SV2C: variants seen among roughly 807,000 people sequenced by gnomAD.
The protein encoded by SV2C is solute carrier family 22 member B3.
Under a neutral mutation model 79.7 loss-of-function variants are expected in SV2C, and 49 were observed. The observed-to-expected ratio is 0.61, with a 90% CI of 0.49 to 0.78. The LOEUF (loss-of-function observed/expected upper bound fraction) is 0.78. Ranked by LOEUF, SV2C falls within the 30% of genes least tolerant of loss-of-function variation. The probability of loss-of-function intolerance (pLI) is 0.00; values close to 1 mark genes in which losing one functional copy is unlikely to be tolerated. For missense variants in SV2C, 833 were observed against 912.9 expected (o/e 0.91, Z 1.13); for synonymous variants, 334 against 333.2 (o/e 1.00, Z -0.03).
At chr5:76,320,292 A>G (rs1036852546) in intron 12 of SV2C, among the ~76,000 whole-genome samples, 5 of 151,884 alleles carry the variant, frequency 3.3e-5, no homozygotes, top group African/African-American at 1.2e-4. Context: ...GGTTGTGGGG[A>G]GAGAGGAATG....
At chr5:75,961,106 A>C in the SV2C span, among the ~76,000 whole-genome samples, 2 of 152,030 alleles carry the variant, frequency 1.3e-5, no homozygotes, top group African/African-American at 4.8e-5. Context: ...TTTCAATAAA[A>C]TATGCTCTTT....
intron 10 of SV2C, 22 bp downstream of exon 10, chr5:76,298,949 G>C: frequency 6.2e-7 from 1 of 1,610,138 alleles, no homozygotes; most frequent in Non-Finnish European, 8.5e-7. Context: ...ACTTAGTACT[G>C]CCTCTACCTG....
the SV2C span, among the ~76,000 whole-genome samples, chr5:75,987,251 C>T: frequency 1.3e-5 from 2 of 151,988 alleles, no homozygotes; most frequent in African/African-American, 4.8e-5. Context: ...AAATCTGACA[C>T]TTAACAGTTT....
chr5:76,025,323 A>C, the SV2C span, among the ~76,000 whole-genome samples: 1 of 152,158 alleles, frequency 6.6e-6, no homozygotes, highest in African/African-American at 2.4e-5. Context: ...GAATTCTGCC[A>C]GCAAACATTG....
At chr5:75,851,812 G>A in the SV2C span, among the ~76,000 whole-genome samples, 309 of 152,328 alleles carry the variant, frequency 2.0e-3, no homozygotes, top group Admixed American at 3.9e-3. Context: ...GCCACGCCAG[G>A]CTAATTTATT....
the SV2C span, among the ~76,000 whole-genome samples, chr5:76,011,355 T>C: frequency 6.6e-6 from 1 of 152,116 alleles, no homozygotes; most frequent in African/African-American, 2.4e-5. Flanking sequence ...TAGCTAGTTC[T>C]CCCATTCTGG....
At position 76,300,890 on chromosome 5, in the gene SV2C, T is replaced by C; in HGVS notation, c.1798T>C (p.Ser600Pro). 1 of 1,614,154 alleles carries C rather than the reference T, an allele frequency of 6.2e-7. No individual in the cohort carries two copies. Among genetic ancestry groups the C allele is most frequent in the Non-Finnish European group, 8.5e-7 (1 of 1,179,992 alleles). Reference protein sequence around the residue: ...TLAVLPGNIVSALLMDRIGRL... With the variant: ...TLAVLPGNIVPALLMDRIGRL... ...GGCAGTATTGCCAGGGAACATTGTGTCTGCTCTGCTGATGGACAGAATTGG... is the reference window on the plus strand; with the variant it reads ...GGCAGTATTGCCAGGGAACATTGTGCCTGCTCTGCTGATGGACAGAATTGG... The change falls in exon 11 of 13, where the codon TCT (serine) becomes CCT (proline). Residue 600 changes from serine to proline, a missense_variant. Physicochemically the swap from Ser to Pro is moderately conservative, Grantham distance 74. Coordinates refer to ENST00000502798, the MANE Select transcript of SV2C (RefSeq NM_014979.4).
intron 1 of SV2C, among the ~76,000 whole-genome samples, chr5:76,108,478 T>C (rs1747994955): frequency 6.6e-6 from 1 of 152,324 alleles, no homozygotes; most frequent in Admixed American, 6.5e-5. Flanking sequence ...GCACAACTTT[T>C]GCAGAAGCTG....
the SV2C span, among the ~76,000 whole-genome samples, chr5:75,878,149 G>A: frequency 6.6e-6 from 1 of 152,050 alleles, no homozygotes; most frequent in Non-Finnish European, 1.5e-5. Flanking sequence ...GTGAGAAAAT[G>A]CTCACAATCT....
At chr5:76,052,119 T>A in the SV2C span, among the ~76,000 whole-genome samples, 3,897 of 152,302 alleles carry the variant, frequency 0.026, 181 homozygotes, top group African/African-American at 0.09. Context: ...GGGAGCTATA[T>A]TAAAAACTGA....
chr5:76,343,067 T>C (rs1463617553), intron 12 of SV2C, among the ~76,000 whole-genome samples: 1 of 152,126 alleles, frequency 6.6e-6, no homozygotes, highest in Non-Finnish European at 1.5e-5. Context: ...AAGTTCCTAA[T>C]TGTAATGTAG....
At chr5:76,222,339 A>G (rs527375109) in intron 4 of SV2C, among the ~76,000 whole-genome samples, 2 of 152,230 alleles carry the variant, frequency 1.3e-5, no homozygotes, top group Non-Finnish European at 2.9e-5. Flanking sequence ...ATGGACCTCA[A>G]CAGCATTTTG....
At chr5:76,066,736 A>G in the SV2C span, among the ~76,000 whole-genome samples, 10,316 of 151,440 alleles carry the variant, frequency 0.068, 1,186 homozygotes, top group African/African-American at 0.24. Flanking sequence ...ACCATGCACA[A>G]CTGTCTTTGT....
rs928526786 is a variant in SV2C, at chr5:76,123,063, G to T, written c.-101-8587G>T. 3.3e-3 allele frequency among the ~76,000 whole-genome samples: 497 copies of T among 152,266 alleles called. 4 individuals carry two copies. Among genetic ancestry groups the T allele is most frequent in the African/African-American group, 0.011 (470 of 41,552 alleles). On this transcript the variant is annotated intron_variant, in intron 1 of 12. Coordinates refer to ENST00000502798, the MANE Select transcript of SV2C (RefSeq NM_014979.4). Reference sequence around the variant, plus strand: ...ATGGGATATCACCACCGATCCCACAGAAATACAAACTACCATCAGAGAATA... The same window carrying T: ...ATGGGATATCACCACCGATCCCACATAAATACAAACTACCATCAGAGAATA...
At chr5:76,179,320 T>C (rs1291320832) in intron 2 of SV2C, among the ~76,000 whole-genome samples, 1 of 152,190 alleles carries the variant, frequency 6.6e-6, no homozygotes, top group South Asian at 2.1e-4. Flanking sequence ...TAGGATACAA[T>C]GGTTTTTAAC....
At chr5:75,999,638 C>T in the SV2C span, among the ~76,000 whole-genome samples, 1 of 123,810 alleles carries the variant, frequency 8.1e-6, no homozygotes, top group Non-Finnish European at 1.7e-5. Flanking sequence ...GGGGTGAATT[C>T]CTCTCTTCTC....
upstream of SV2C, among the ~76,000 whole-genome samples, chr5:76,080,702 C>G (rs537547458): frequency 1.3e-5 from 2 of 152,298 alleles, no homozygotes; most frequent in Non-Finnish European, 2.9e-5. Context: ...CAAGACGACA[C>G]CCTGCATTGA....
chr5:76,204,145 T>C (rs763591032), intron 3 of SV2C, among the ~76,000 whole-genome samples: 15 of 152,236 alleles, frequency 9.9e-5, no homozygotes, highest in Non-Finnish European at 1.9e-4. Context: ...AGGTTCATCT[T>C]TGGACTGCTG....
At chr5:75,985,454 C>G in the SV2C span, among the ~76,000 whole-genome samples, 1 of 151,984 alleles carries the variant, frequency 6.6e-6, no homozygotes, top group African/African-American at 2.4e-5. Context: ...ATAGAATCAA[C>G]CATCACACCC....
Sources: allele counts gnomAD v4.1 joint callset (sites outside exome capture counted in the v4.1 genomes callset), GRCh38; gene constraint gnomAD v4.1.1; transcripts MANE v1.5; gene names NCBI Gene and HGNC (gene_info 2026-07-23, HGNC 2026-07-21).